MAST4: variants seen among roughly 807,000 people sequenced by gnomAD.
MAST4 encodes the protein microtubule associated serine/threonine kinase family member 4, also known as microtubule-associated serine/threonine-protein kinase 4.
Under a neutral mutation model 162.7 loss-of-function variants are expected in MAST4, and 89 were observed. The observed-to-expected ratio is 0.55, with a 90% CI of 0.46 to 0.65. MAST4 has a LOEUF of 0.65. Among genes scored for constraint, MAST4 ranks in the 30% least tolerant of loss-of-function variants. The probability of loss-of-function intolerance (pLI) is 0.00; values close to 1 mark genes in which losing one functional copy is unlikely to be tolerated. For missense variants in MAST4, 3,153 were observed against 3,374.0 expected (o/e 0.93, Z 1.62); for synonymous variants, 1,479 against 1,361.1 (o/e 1.09, Z -1.91).
intron 3 of MAST4, among the ~76,000 whole-genome samples, chr5:66,899,701 C>T (rs1762890184): frequency 6.6e-6 from 1 of 152,066 alleles, no homozygotes; most frequent in Non-Finnish European, 1.5e-5. Context: ...ACTGTAGTTG[C>T]TTTGGGAAGA....
intron 3 of MAST4, among the ~76,000 whole-genome samples, chr5:66,874,962 T>C (rs1410621880): frequency 6.6e-6 from 1 of 152,204 alleles, no homozygotes; most frequent in African/African-American, 2.4e-5. Flanking sequence ...CATAGTTGCA[T>C]AGATGATATA....
chr5:67,130,700 T>C (rs1768860366), intron 15 of MAST4, among the ~76,000 whole-genome samples: 1 of 152,230 alleles, frequency 6.6e-6, no homozygotes, highest in Admixed American at 6.5e-5. Context: ...AAAGTTGGAA[T>C]ATAGGTGATG....
chr5:66,596,598 G>T lies in MAST4; in HGVS notation c.-58G>T. On this transcript the variant is annotated 5_prime_UTR_variant, in exon 1 of 29. Transcript: ENST00000403625. Reference sequence around the variant, plus strand: ...CAGGAGCCCGCGTCTTCCCCGGGAGGCGCTGAGTGCGCGCCGCGCCCCCGC... The same window carrying T: ...CAGGAGCCCGCGTCTTCCCCGGGAGTCGCTGAGTGCGCGCCGCGCCCCCGC... The T allele has an allele frequency of 7.3e-7, 1 of 1,378,140 alleles. No homozygotes were observed. 85.4% of individuals were successfully genotyped at this position (1,378,140 alleles called of 1,614,324 possible).
rs778213254 is a variant in MAST4 at position 67,152,781 on chromosome 5, C to T, written c.3440C>T (p.Ser1147Leu). The T allele has an allele frequency of 1.1e-5, 17 of 1,613,916 alleles. No individual in the cohort carries two copies. Among genetic ancestry groups the T allele is most frequent in the African/African-American group, 5.3e-5 (4 of 74,928 alleles). The change falls in exon 25 of 29, where the codon TCG (serine) becomes TTG (leucine). Residue 1147 changes from serine (S) to leucine (L), a missense_variant. This residue lies in a region of MAST4 where 619 missense variants were observed against 744.2 expected (regional missense o/e 0.83). Transcript: ENST00000403625. Reference sequence around the variant, plus strand: ...CATCAGCCGATTGTGATCCACAGTTCGGGGAAGAACTACGGCTTTACCATC... The same window carrying T: ...CATCAGCCGATTGTGATCCACAGTTTGGGGAAGAACTACGGCTTTACCATC... ...SPHQPIVIHS[S>L]GKNYGFTIRA...
intron 4 of MAST4, chr5:66,986,315 G>A: frequency 5.6e-6 from 3 of 533,198 alleles, no homozygotes; most frequent in South Asian, 2.5e-5. Context: ...GAGCCCAAGC[G>A]GGACTTGACT....
Position 66,684,797 on chromosome 5 carries a change from C to G in MAST4, c.364-74912C>G, listed in dbSNP as rs576699156. ...GAAAGAGGAAGAGGGGTCACTGTCT[C>G]AGTTTAGAAGTGCTGCAGAGAGCCA... On this transcript the variant is annotated intron_variant, in intron 1 of 28. Coordinates refer to ENST00000403625, the MANE Select transcript of MAST4 (RefSeq NM_001164664.2). 2.6e-5 allele frequency among the ~76,000 whole-genome samples: 4 copies of G among 152,234 alleles called. No individual in the cohort carries two copies. In the East Asian group the frequency reaches 5.8e-4, roughly 22 times the overall value.
At chr5:66,907,933 T>C (rs755469883) in intron 4 of MAST4, among the ~76,000 whole-genome samples, 3 of 152,090 alleles carry the variant, frequency 2.0e-5, no homozygotes, top group Non-Finnish European at 4.4e-5. Flanking sequence ...TTTTCTGTCC[T>C]CCCACCCCCA....
chr5:66,804,430 G>A (rs1756080891), intron 3 of MAST4, among the ~76,000 whole-genome samples: 1 of 152,150 alleles, frequency 6.6e-6, no homozygotes, highest in South Asian at 2.1e-4. Flanking sequence ...TGGTCTACAT[G>A]TCTTCCCGTG....
intron 5 of MAST4, among the ~76,000 whole-genome samples, chr5:67,077,389 G>A (rs1761784268): frequency 6.6e-6 from 1 of 152,112 alleles, no homozygotes; most frequent in African/African-American, 2.4e-5. Context: ...CCAAGGTTAA[G>A]ATCACTGTTC....
chr5:67,158,527 C>T (rs917900825), intron 26 of MAST4, among the ~76,000 whole-genome samples: 1 of 151,866 alleles, frequency 6.6e-6, no homozygotes, highest in Non-Finnish European at 1.5e-5. Context: ...GCTGTGATCA[C>T]ACCACTGCAC....
At chr5:66,943,249 T>C (rs187755351) in intron 4 of MAST4, among the ~76,000 whole-genome samples, 2 of 152,258 alleles carry the variant, frequency 1.3e-5, no homozygotes, top group Admixed American at 6.5e-5. Flanking sequence ...AGGTTGATAA[T>C]AGTATCTACC....
chr5:66,987,229 C>A (rs909246928), intron 4 of MAST4, among the ~76,000 whole-genome samples: 1 of 151,948 alleles, frequency 6.6e-6, no homozygotes, highest in Non-Finnish European at 1.5e-5. Flanking sequence ...TTTTTGCTTT[C>A]TTAAGTGACT....
intron 1 of MAST4, among the ~76,000 whole-genome samples, 178 bp from the exon 2 acceptor site, chr5:66,759,531 C>T (rs186223018): frequency 8.7e-4 from 132 of 152,212 alleles, no homozygotes; most frequent in African/African-American, 3.1e-3. Flanking sequence ...GACTCTCTTT[C>T]GGAAGGAAGA....
Position 67,149,445 on chromosome 5 carries a change from A to G in MAST4, c.3151A>G (p.Ser1051Gly), listed in dbSNP as rs756372554. The G allele has an allele frequency of 1.2e-6, 2 of 1,613,670 alleles. No homozygotes were observed. The highest frequency in any genetic ancestry group is 1.3e-5 in the African/African-American group (1 of 74,932). ...AAATGGACGAAGCGAGTGTGTGGAC[A>G]GTACAGATAATTCCTCAAAGCCATC... ...QINGRSECVD[S>G]TDNSSKPSSE... Residue 1051 changes from serine to glycine, a missense_variant, in exon 24 of 29, where the codon AGT (serine) becomes GGT (glycine). Physicochemically the swap from Ser to Gly is moderately conservative, Grantham distance 56. Transcript: ENST00000403625.
rs1222799938 is a variant in MAST4 at position 66,747,095 on chromosome 5, A to G, written c.364-12614A>G. 6.1e-5 allele frequency among the ~76,000 whole-genome samples: 7 copies of G among 115,600 alleles called. No homozygotes were observed. The East Asian group carries it at 1.7e-3, about 28-fold the overall frequency. 75.8% of individuals were successfully genotyped at this position (115,600 alleles called of 152,430 possible). A position where few individuals can be genotyped will look rare whatever the true frequency, so the allele number is the denominator to read the frequency against. On this transcript the variant is annotated intron_variant, in intron 1 of 28. Transcript: ENST00000403625. ...GCTGGTGGTGGATGTGTGCATGCGCATGGTGTGTGTGTGTGTGTGTGTGTG... is the reference window on the plus strand; with the variant it reads ...GCTGGTGGTGGATGTGTGCATGCGCGTGGTGTGTGTGTGTGTGTGTGTGTG...
At chr5:66,911,734 T>TA in intron 4 of MAST4, among the ~76,000 whole-genome samples, 1 of 152,054 alleles carries the variant, frequency 6.6e-6, no homozygotes. Flanking sequence ...ACCCTGTCTC[T>TA]AAAAAATAAA....
chr5:67,144,414 G>C (rs1770789917), intron 21 of MAST4, among the ~76,000 whole-genome samples: 1 of 151,616 alleles, frequency 6.6e-6, no homozygotes, highest in Non-Finnish European at 1.5e-5. Flanking sequence ...AACAAGATAT[G>C]ATGAGAGGAT....
intron 4 of MAST4, among the ~76,000 whole-genome samples, chr5:67,052,647 C>G (rs889743828): frequency 1.3e-5 from 2 of 151,808 alleles, no homozygotes; most frequent in Non-Finnish European, 2.9e-5. Context: ...AGATTATTTG[C>G]ATTGACAGAC....
Position 67,165,156 on chromosome 5 carries a change from T to C in MAST4, c.5977T>C (p.Cys1993Arg), listed in dbSNP as rs1488343553. The stretch of plus-strand genomic sequence containing the variant: ...GCGCTCTGCTGCGAGGGCTGACACA[T>C]GCAGAGAGCCCTCCATGGAACTGTG... ...SERSAARADTCREPSMELCFP... is the reference protein window; with the variant it reads ...SERSAARADTRREPSMELCFP... Residue 1993 changes from cysteine (C) to arginine (R), a missense_variant, in exon 29 of 29, where the codon TGC becomes CGC. Physicochemically the swap from Cys to Arg is radical, Grantham distance 180. Transcript: ENST00000403625. 6.3e-7 allele frequency: 1 copy of C among 1,598,158 alleles called. No homozygotes were observed. The highest frequency in any genetic ancestry group is 1.3e-5 in the African/African-American group (1 of 74,726).
Sources: gnomAD v4.1 joint callset for allele counts (sites outside exome capture counted in the v4.1 genomes callset) on GRCh38, gnomAD v4.1.1 for gene constraint, gnomAD v4.1.1 regional missense constraint, MANE v1.5 for transcripts, NCBI Gene and HGNC (gene_info 2026-07-23, HGNC 2026-07-21) for gene names.